Variants in CEP63 observed in about 807,000 individuals in gnomAD.
CEP63 encodes the protein centrosomal protein of 63 kDa.
In CEP63, 84 loss-of-function variants were observed where a neutral mutation model predicts 89.1. The observed-to-expected ratio is 0.94, with a 90% CI of 0.79 to 1.13. The LOEUF (loss-of-function observed/expected upper bound fraction) is 1.13. CEP63 is among the 50% of genes most tolerant of loss of function. The pLI is 0.00. For missense variants in CEP63, 838 were observed against 813.3 expected, an observed-to-expected ratio of 1.03 and a Z score of -0.37; for synonymous variants, 267 against 272.5, an observed-to-expected ratio of 0.98 and a Z score of 0.20.
At chr3:134,569,937 A>G (rs1045742788), downstream of CEP63, among the ~76,000 whole-genome samples, 2 of 152,172 alleles carry the variant, frequency 1.3e-5, no homozygotes, top group African/African-American at 2.4e-5. Context: ...TGCAGGACTA[A>G]CACCACATGG....
chr3:134,774,993 C>T, the CEP63 span, among the ~76,000 whole-genome samples: 8 of 152,234 alleles, frequency 5.3e-5, no homozygotes, highest in African/African-American at 1.2e-4. Flanking sequence ...TGTATAAATA[C>T]CCCAGCCCAT....
chr3:134,651,131 A>C, the CEP63 span: 3 of 1,478,134 alleles, frequency 2.0e-6, no homozygotes, highest in Non-Finnish European at 1.8e-6. Flanking sequence ...TCTGCCAAAC[A>C]CGCCATTAGG....
the CEP63 span, among the ~76,000 whole-genome samples, chr3:134,657,518 TA>T: frequency 7.9e-4 from 120 of 152,346 alleles, 1 homozygote; most frequent in African/African-American, 2.8e-3. Flanking sequence ...AAAGCTAATT[TA>T]AAAGATTGCT....
chr3:134,742,104 C>A, the CEP63 span, among the ~76,000 whole-genome samples: 5 of 152,080 alleles, frequency 3.3e-5, no homozygotes, highest in African/African-American at 1.2e-4. Context: ...AGGCCTAGGG[C>A]ATGATGTCCT....
the CEP63 span, among the ~76,000 whole-genome samples, chr3:134,730,401 A>G: frequency 6.6e-6 from 1 of 152,194 alleles, no homozygotes; most frequent in African/African-American, 2.4e-5. Context: ...CCTGGTTGTA[A>G]CAATAACATA....
At chr3:134,598,833 G>A in the CEP63 span, among the ~76,000 whole-genome samples, 2 of 152,224 alleles carry the variant, frequency 1.3e-5, no homozygotes, top group African/African-American at 4.8e-5. Context: ...ACTCGGAGAT[G>A]CCTGTGGGAC....
intron 2 of CEP63, among the ~76,000 whole-genome samples, chr3:134,503,017 A>G (rs1314931972): frequency 1.5e-5 from 2 of 137,166 alleles, no homozygotes; most frequent in Non-Finnish European, 3.2e-5. Flanking sequence ...GTTTCCATGT[A>G]TTTTTGTGGT....
rs1953291358 is a variant in CEP63 at position 134,546,257 on chromosome 3, A to G, written c.898A>G (p.Thr300Ala). Reference sequence around the variant, plus strand: ...GAAGTTACAAGAAAAAGTAAAGGCAACTAACACTCAACATGCTGTAGAAGC... The same window carrying G: ...GAAGTTACAAGAAAAAGTAAAGGCAGCTAACACTCAACATGCTGTAGAAGC... ...KEKLQEKVKATNTQHAVEAIR... is the reference protein window; with the variant it reads ...KEKLQEKVKAANTQHAVEAIR... Residue 300 changes from threonine (T) to alanine (A), a missense_variant, in exon 8 of 15, where the codon ACT becomes GCT. By Grantham distance (58) the Thr-to-Ala change is moderately conservative. Transcript: ENST00000675561. 1.9e-6 allele frequency: 3 copies of G among 1,613,776 alleles called. No homozygotes were observed. Among genetic ancestry groups the G allele is most frequent in the African/African-American group, 1.3e-5 (1 of 75,046 alleles).
chr3:134,740,266 T>TTTTC, the CEP63 span, among the ~76,000 whole-genome samples: 46 of 140,932 alleles, frequency 3.3e-4, no homozygotes, highest in South Asian at 9.4e-3. Context: ...TATTCTTTTC[T>TTTTC]TTTATTTATT....
At chr3:134,760,147 C>T in the CEP63 span, among the ~76,000 whole-genome samples, 2 of 151,530 alleles carry the variant, frequency 1.3e-5, no homozygotes, top group South Asian at 4.2e-4. Context: ...CAAGCTCCGC[C>T]TCCCGGGTTC....
chr3:134,662,234 G>A, the CEP63 span, among the ~76,000 whole-genome samples: 9 of 150,926 alleles, frequency 6.0e-5, no homozygotes, highest in Middle Eastern at 6.4e-3. Flanking sequence ...CCAAGATCAC[G>A]CCATTGCTCT....
At chr3:134,672,848 C>T in the CEP63 span, among the ~76,000 whole-genome samples, 1 of 152,248 alleles carries the variant, frequency 6.6e-6, no homozygotes, top group Non-Finnish European at 1.5e-5. Flanking sequence ...TGGTAGCTCC[C>T]TCCCCATCTC....
rs1246137505 is a variant in CEP63 at position 134,559,089 on chromosome 3, G to T, written c.1674-61G>T. Reference sequence around the variant, plus strand: ...TATTAAGCAAATTTCCTACATTTCTGTTGGAAAGAGAAAAGTTGCTACAAT... The same window carrying T: ...TATTAAGCAAATTTCCTACATTTCTTTTGGAAAGAGAAAAGTTGCTACAAT... On this transcript the variant is annotated intron_variant, in intron 13 of 14. Coordinates refer to ENST00000675561, the MANE Select transcript of CEP63 (RefSeq NM_001353108.3). 7.0e-6 allele frequency: 11 copies of T among 1,579,660 alleles called. No individual in the cohort carries two copies. In the East Asian group the frequency reaches 1.8e-4, roughly 26 times the overall value.
chr3:134,617,618 T>C, the CEP63 span, among the ~76,000 whole-genome samples: 1 of 152,242 alleles, frequency 6.6e-6, no homozygotes, highest in African/African-American at 2.4e-5. Flanking sequence ...TTTGCTTTAG[T>C]GCATTTTATA....
chr3:134,488,938 A>T (rs1171326989), intron 1 of CEP63, among the ~76,000 whole-genome samples: 1 of 152,114 alleles, frequency 6.6e-6, no homozygotes, highest in Non-Finnish European at 1.5e-5. Flanking sequence ...TGGGTGGATC[A>T]CGAGGTCAGG....
the CEP63 span, among the ~76,000 whole-genome samples, chr3:134,653,990 G>A: frequency 6.6e-6 from 1 of 152,124 alleles, no homozygotes; most frequent in Non-Finnish European, 1.5e-5. Flanking sequence ...ACAAACCAGG[G>A]GCTTTCTCCA....
At chr3:134,748,324 G>T in the CEP63 span, among the ~76,000 whole-genome samples, 4 of 152,096 alleles carry the variant, frequency 2.6e-5, no homozygotes, top group East Asian at 5.8e-4. Flanking sequence ...TTTCAGGAAG[G>T]CTCAAACTAA....
rs1957670692 is a variant in CEP63, at chr3:134,564,817, T to C, written c.*3282T>C. 2 of 985,194 alleles carry C rather than the reference T, an allele frequency of 2.0e-6. No homozygotes were observed. The highest frequency in any genetic ancestry group is 6.1e-5 in the Admixed American group (1 of 16,266). 61.0% of individuals were successfully genotyped at this position (985,194 alleles called of 1,614,324 possible). ...TGAAACGTTTGTACTACGTGTTGAC[T>C]AGGAGGAACAATGACAGACTCTGTA... On this transcript the variant is annotated 3_prime_UTR_variant, in exon 15 of 15. Transcript: ENST00000675561.
the CEP63 span, among the ~76,000 whole-genome samples, chr3:134,771,765 T>C: frequency 6.6e-6 from 1 of 152,124 alleles, no homozygotes; most frequent in Non-Finnish European, 1.5e-5. Flanking sequence ...ACGTTGTGCA[T>C]GTGTATCTCA....
Sources: allele counts gnomAD v4.1 joint callset (sites outside exome capture counted in the v4.1 genomes callset), GRCh38; gene constraint gnomAD v4.1.1; transcripts MANE v1.5; gene names NCBI Gene and HGNC (gene_info 2026-07-23, HGNC 2026-07-21).